The following OCA2 variants were observed in gnomAD, a reference collection of about 807,000 sequenced individuals.
OCA2 encodes P protein.
In OCA2, 77 loss-of-function variants were observed where a neutral mutation model predicts 100.2. The observed-to-expected ratio is 0.77, with a 90% CI of 0.64 to 0.93. The LOEUF (loss-of-function observed/expected upper bound fraction) is 0.93, where lower values mean the gene tolerates loss of function less well. OCA2 is among the 40% of genes least tolerant of loss of function. OCA2 has a pLI of 0.00. For synonymous variants in OCA2, 432 were observed against 439.2 expected (o/e 0.98, Z 0.21); for missense variants, 1,062 against 1,089.1 (o/e 0.98, Z 0.35).
At chr15:28,046,364 GAAGGGGATA>G (rs2043347421) in intron 2 of OCA2, among the ~76,000 whole-genome samples, 1 of 152,186 alleles carries the variant, frequency 6.6e-6, no homozygotes, top group African/African-American at 2.4e-5. Flanking sequence ...CCCCTGGCCT[GAAGGGGATA>G]AAGGGAGGAG....
chr15:27,994,310 T>C (rs891109403), intron 9 of OCA2, among the ~76,000 whole-genome samples: 2 of 152,066 alleles, frequency 1.3e-5, no homozygotes, highest in African/African-American at 4.8e-5. Context: ...GGTGGAACAG[T>C]TTCATCCCAA....
At chr15:27,790,307 T>C (rs60532349) in intron 23 of OCA2, among the ~76,000 whole-genome samples, 13,365 of 152,242 alleles carry the variant, frequency 0.088, 895 homozygotes, top group South Asian at 0.31. Flanking sequence ...TACTGGAAGA[T>C]TGAGAATGAT....
chr15:28,023,895 G>A (rs2141309662), intron 5 of OCA2, among the ~76,000 whole-genome samples: 1 of 152,226 alleles, frequency 6.6e-6, no homozygotes, highest in African/African-American at 2.4e-5. Flanking sequence ...AGCAGGCACA[G>A]GGGACCATAC....
chr15:27,736,281 C>A, the OCA2 span, among the ~76,000 whole-genome samples: 1 of 151,952 alleles, frequency 6.6e-6, no homozygotes, highest in East Asian at 1.9e-4. Flanking sequence ...GATGGACTAT[C>A]CCCAGAGAAC....
At chr15:28,076,023 A>G (rs914447731) in intron 2 of OCA2, among the ~76,000 whole-genome samples, 1 of 152,252 alleles carries the variant, frequency 6.6e-6, no homozygotes, top group Non-Finnish European at 1.5e-5. Context: ...CCTCAATTAA[A>G]AATACATAAA....
At chr15:28,050,831 A>T (rs905271862) in intron 2 of OCA2, among the ~76,000 whole-genome samples, 1 of 152,122 alleles carries the variant, frequency 6.6e-6, no homozygotes, top group Non-Finnish European at 1.5e-5. Flanking sequence ...TCAGGAGCAG[A>T]CCCTGAGAAG....
chr15:28,004,309 C>G (rs530883924), intron 9 of OCA2, among the ~76,000 whole-genome samples: 1 of 152,322 alleles, frequency 6.6e-6, no homozygotes, highest in African/African-American at 2.4e-5. Flanking sequence ...TGGTGTGCTG[C>G]ATTGTCCCCG....
intron 19 of OCA2, among the ~76,000 whole-genome samples, chr15:27,881,447 C>A (rs1007076169): frequency 6.6e-5 from 10 of 152,250 alleles, no homozygotes; most frequent in South Asian, 6.2e-4. Context: ...GGTACCAGCT[C>A]CTCTTTGTAC....
chr15:27,824,036 C>A (rs1317829761), intron 23 of OCA2, among the ~76,000 whole-genome samples: 1 of 152,192 alleles, frequency 6.6e-6, no homozygotes, highest in Admixed American at 6.5e-5. Context: ...ATCATAAAAT[C>A]TTAAAATATT....
In OCA2 at chr15:27,990,609, A is replaced by G. The variant is rs1164737873; in HGVS notation, c.1083T>C (p.Leu361=). Reference sequence around the variant, plus strand: ...TCACAGCCAGTGCTGCCAGTGCTGCAAGGGAACCCAGCATGGCCGCCAGAG... The same window carrying G: ...TCACAGCCAGTGCTGCCAGTGCTGCGAGGGAACCCAGCATGGCCGCCAGAG... ...HRTLAAMLGS[L]AALAALAVIG... The change falls in exon 10 of 24, where the codon CTT becomes CTC. Residue 361 remains leucine (L), a synonymous_variant. Transcript: ENST00000354638. 2 of 1,614,002 alleles carry G rather than the reference A, an allele frequency of 1.2e-6. No homozygotes were observed. The highest frequency in any genetic ancestry group is 2.7e-5 in the African/African-American group (2 of 74,944).
At chr15:27,886,481 T>C (rs760757981) in intron 19 of OCA2, among the ~76,000 whole-genome samples, 16 of 152,202 alleles carry the variant, frequency 1.1e-4, no homozygotes, top group Non-Finnish European at 1.9e-4. Context: ...GGTTTAAATA[T>C]GATTTAGTAT....
rs113196320 is a variant in OCA2 at position 27,791,309 on chromosome 15, A to C, written c.2433-35837T>G. ...AAATGATGAAAAGACACTCTTAATG[A>C]GTAGGATCCTACACAGCTATACAAT... On this transcript the variant is annotated intron_variant, in intron 23 of 23. Transcript: ENST00000354638. Among the ~76,000 whole-genome samples the C allele has an allele frequency of 6.1e-3, 925 of 152,320 alleles. 15 individuals are homozygous for C. The highest frequency in any genetic ancestry group is 0.021 in the African/African-American group (861 of 41,562).
chr15:27,997,088 A>G (rs1193114939), intron 9 of OCA2, among the ~76,000 whole-genome samples: 1 of 127,776 alleles, frequency 7.8e-6, no homozygotes, highest in South Asian at 2.3e-4. Context: ...AAGAGAGAGA[A>G]AGAAAGAAAG....
chr15:27,892,050 A>T lies in OCA2; in HGVS notation c.2080-20128T>A, dbSNP rs537681656. 9.8e-5 allele frequency among the ~76,000 whole-genome samples: 15 copies of T among 152,314 alleles called. No homozygotes were observed. The East Asian group carries it at 2.7e-3, about 27-fold the overall frequency. ...CCTAAATATGTATGCACCAAACAACAGAGCAGCAAAATACATGAAGTGAAA... is the reference window on the plus strand; with the variant it reads ...CCTAAATATGTATGCACCAAACAACTGAGCAGCAAAATACATGAAGTGAAA... On this transcript the variant is annotated intron_variant, in intron 19 of 23. Coordinates refer to ENST00000354638, the MANE Select transcript of OCA2 (RefSeq NM_000275.3).
chr15:28,018,368 A>T, intron 7 of OCA2, 29 bp downstream of exon 7: 1 of 1,608,326 alleles, frequency 6.2e-7, no homozygotes, highest in Non-Finnish European at 8.5e-7. Context: ...AGATTTCACA[A>T]TTCCTTTCAA....
At chr15:28,038,464 C>T (rs1297434877) in intron 2 of OCA2, among the ~76,000 whole-genome samples, 1 of 152,126 alleles carries the variant, frequency 6.6e-6, no homozygotes, top group Non-Finnish European at 1.5e-5. Flanking sequence ...AAGTTCAGCA[C>T]AGCTTTGCAT....
intron 19 of OCA2, among the ~76,000 whole-genome samples, chr15:27,919,695 G>T (rs1025921471): frequency 6.6e-6 from 1 of 152,036 alleles, no homozygotes; most frequent in Non-Finnish European, 1.5e-5. Context: ...CATAATGATG[G>T]ATACATGTCA....
At chr15:27,774,737 G>A (rs1052820783) in intron 23 of OCA2, among the ~76,000 whole-genome samples, 2 of 152,130 alleles carry the variant, frequency 1.3e-5, no homozygotes, top group African/African-American at 2.4e-5. Flanking sequence ...GCCCCAATCC[G>A]GGAAAACAGG....
chr15:27,832,636 C>CTGCTGCTCCCTG (rs1567003465), intron 23 of OCA2, among the ~76,000 whole-genome samples: 2 of 152,162 alleles, frequency 1.3e-5, no homozygotes, highest in Admixed American at 1.3e-4. Flanking sequence ...ATGGGGTCTA[C>CTGCTGCTCCCTG]GTTTAGCTGT....
Sources: allele counts gnomAD v4.1 joint callset (sites outside exome capture counted in the v4.1 genomes callset), GRCh38; gene constraint gnomAD v4.1.1; transcripts MANE v1.5; gene names NCBI Gene and HGNC (gene_info 2026-07-23, HGNC 2026-07-21).